CCNY: variants seen among roughly 807,000 people sequenced by gnomAD.
CCNY encodes the protein cyclin Y.
CCNY carries 19 observed loss-of-function variants against 42.8 expected under a neutral mutation model. The ratio of observed to expected loss-of-function variants is 0.44; its 90% confidence interval spans 0.31 to 0.65. The LOEUF (loss-of-function observed/expected upper bound fraction) is 0.65, where lower values mean the gene tolerates loss of function less well. Ranked by LOEUF, CCNY falls within the 30% of genes least tolerant of loss-of-function variation. The pLI is 0.07. For synonymous variants in CCNY, 165 were observed against 162.7 expected, an observed-to-expected ratio of 1.01 and a Z score of -0.11; for missense variants, 370 against 437.3, an observed-to-expected ratio of 0.85 and a Z score of 1.37.
At chr10:35,453,026 C>T (rs1448803939) in intron 1 of CCNY, among the ~76,000 whole-genome samples, 1 of 152,132 alleles carries the variant, frequency 6.6e-6, no homozygotes, top group African/African-American at 2.4e-5. Context: ...CCAGGCTGGA[C>T]TGCAGTGGCA....
intron 4 of CCNY, among the ~76,000 whole-genome samples, chr10:35,521,320 G>A (rs958858898): frequency 4.6e-5 from 7 of 152,150 alleles, no homozygotes; most frequent in Admixed American, 3.3e-4. Flanking sequence ...TGGGCACTCC[G>A]GGTCCCCCAG....
chr10:35,257,660 CT>C (rs1332680504), intron 3 of CCNY, among the ~76,000 whole-genome samples: 2 of 152,152 alleles, frequency 1.3e-5, no homozygotes, highest in Non-Finnish European at 2.9e-5. Context: ...CCTCTTGCTG[CT>C]CTCAAGATTT....
intron 3 of CCNY, among the ~76,000 whole-genome samples, chr10:35,301,180 C>G (rs1490383416): frequency 6.6e-6 from 1 of 152,160 alleles, no homozygotes; most frequent in Non-Finnish European, 1.5e-5. Flanking sequence ...GATAATCTGG[C>G]ACCAGGGCTG....
At chr10:35,406,683 C>T (rs906008837) in intron 1 of CCNY, among the ~76,000 whole-genome samples, 88 of 152,234 alleles carry the variant, frequency 5.8e-4, no homozygotes, top group African/African-American at 1.8e-3. Flanking sequence ...CCCACCTTTC[C>T]CCCCTTTCTA....
chr10:35,464,346 A>G (rs1450864872), intron 1 of CCNY, among the ~76,000 whole-genome samples: 1 of 152,124 alleles, frequency 6.6e-6, no homozygotes, highest in Non-Finnish European at 1.5e-5. Context: ...TCCCACGTGG[A>G]TGATGACCAC....
intron 8 of CCNY, 44 bp from the exon 9 acceptor site, chr10:35,565,979 G>A (rs767820234): frequency 6.3e-7 from 1 of 1,579,544 alleles, no homozygotes; most frequent in East Asian, 2.2e-5. Flanking sequence ...CACGTGGCCT[G>A]GTGTGGCAGC....
Position 35,495,887 on chromosome 10 carries a change from T to TTGAG in CCNY, c.230-5590_230-5587dup, listed in dbSNP as rs577398890. Among the ~76,000 whole-genome samples, 586 of 152,218 alleles carry TTGAG rather than the reference T, an allele frequency of 3.8e-3. 1 individual carries two copies. The highest frequency in any genetic ancestry group is 6.8e-3 in the Middle Eastern group (2 of 294). Reference sequence around the variant, plus strand: ...ACAGGGGCTCAACAGTTGTTTTGAATTGAGTGAGTGAGTGAGTGAGTGAGT... The same window carrying TTGAG: ...ACAGGGGCTCAACAGTTGTTTTGAATTGAGTGAGTGAGTGAGTGAGTGAGTGAGT... On this transcript the variant is annotated intron_variant, in intron 2 of 9. Transcript: ENST00000374704.
chr10:35,421,422 AGT>A (rs1480503259), intron 1 of CCNY, among the ~76,000 whole-genome samples: 1 of 152,208 alleles, frequency 6.6e-6, no homozygotes, highest in Non-Finnish European at 1.5e-5. Context: ...TCACTGGATC[AGT>A]GCCTTCCAGT....
At chr10:35,403,479 C>T (rs1837689489) in intron 1 of CCNY, among the ~76,000 whole-genome samples, 1 of 152,194 alleles carries the variant, frequency 6.6e-6, no homozygotes. Context: ...GCTTCTTTAG[C>T]TACCTTACCA....
intron 1 of CCNY, among the ~76,000 whole-genome samples, chr10:35,375,767 G>T (rs550062363): frequency 7.9e-5 from 12 of 152,320 alleles, no homozygotes; most frequent in African/African-American, 2.9e-4. Flanking sequence ...GAGAGAAATT[G>T]TGTCTATAGG....
At position 35,494,072 on chromosome 10, in the gene CCNY, T is replaced by C. The variant is rs116819625; in HGVS notation, c.230-7429T>C. Among the ~76,000 whole-genome samples the C allele has an allele frequency of 3.3e-3, 505 of 152,268 alleles. 4 individuals carry two copies. The highest frequency in any genetic ancestry group is 0.011 in the African/African-American group (477 of 41,540). On this transcript the variant is annotated intron_variant, in intron 2 of 9. Transcript: ENST00000374704. The stretch of plus-strand genomic sequence containing the variant: ...TGCTGTGCCCAGTCCCATCTTTTTC[T>C]GTGTTTTCCTTGATAAAGATAGATC...
chr10:35,473,255 C>T (rs1195923059), intron 1 of CCNY, among the ~76,000 whole-genome samples: 6 of 152,112 alleles, frequency 3.9e-5, no homozygotes, highest in Non-Finnish European at 8.8e-5. Flanking sequence ...ACATGCCCAC[C>T]TGCCTCGTGG....
chr10:35,451,779 G>A (rs1362720352), intron 1 of CCNY, among the ~76,000 whole-genome samples: 2 of 152,136 alleles, frequency 1.3e-5, no homozygotes, highest in Non-Finnish European at 2.9e-5. Flanking sequence ...CTACAACAGT[G>A]CAGCCCAGCA....
intron 8 of CCNY, among the ~76,000 whole-genome samples, chr10:35,565,729 C>T (rs1055525743): frequency 4.6e-5 from 7 of 152,230 alleles, no homozygotes; most frequent in Admixed American, 1.3e-4. Flanking sequence ...CCTGTCCTCA[C>T]GGAGACCTGC....
At chr10:35,412,669 G>A (rs954140412) in intron 1 of CCNY, among the ~76,000 whole-genome samples, 8 of 150,122 alleles carry the variant, frequency 5.3e-5, no homozygotes, top group Admixed American at 4.7e-4. Flanking sequence ...TAGGCAACAC[G>A]GTGAAACTCT....
At chr10:35,354,431 C>T (rs1359281066) in intron 1 of CCNY, among the ~76,000 whole-genome samples, 1 of 152,124 alleles carries the variant, frequency 6.6e-6, no homozygotes, top group East Asian at 1.9e-4. Context: ...GTGATCTGTC[C>T]GTCTTGGCGT....
chr10:35,356,731 G>T (rs991592614), intron 1 of CCNY, among the ~76,000 whole-genome samples: 2 of 152,172 alleles, frequency 1.3e-5, no homozygotes, highest in African/African-American at 2.4e-5. Flanking sequence ...TTGCTGGGAA[G>T]ATGCAACAAG....
intron 7 of CCNY, among the ~76,000 whole-genome samples, chr10:35,538,361 A>C (rs1840927988): frequency 6.6e-6 from 1 of 152,102 alleles, no homozygotes; most frequent in Admixed American, 6.5e-5. Context: ...TCATATGGTA[A>C]CTCTGTTTTG....
chr10:35,310,519 T>C (rs1467823067), intron 3 of CCNY, among the ~76,000 whole-genome samples: 2 of 152,236 alleles, frequency 1.3e-5, no homozygotes, highest in Non-Finnish European at 2.9e-5. Context: ...ACTCACATTC[T>C]CACCAACAGT....
Sources: allele counts gnomAD v4.1 joint callset (sites outside exome capture counted in the v4.1 genomes callset), GRCh38; gene constraint gnomAD v4.1.1; transcripts MANE v1.5; gene names NCBI Gene and HGNC (gene_info 2026-07-23, HGNC 2026-07-21).